MEIS2: variants seen among roughly 807,000 people sequenced by gnomAD.
MEIS2 encodes homeobox protein Meis2.
Under a neutral mutation model 58.6 loss-of-function variants are expected in MEIS2, and 9 were observed. The ratio of observed to expected loss-of-function variants is 0.15; its 90% confidence interval spans 0.09 to 0.27. The LOEUF (loss-of-function observed/expected upper bound fraction) is 0.27, where lower values mean the gene tolerates loss of function less well. MEIS2 is among the 10% of genes least tolerant of loss of function. The pLI, the probability that MEIS2 is intolerant of heterozygous loss-of-function variation, is 1.00. For missense variants in MEIS2, 427 were observed against 635.0 expected, an observed-to-expected ratio of 0.67 and a Z score of 3.52; for synonymous variants, 221 against 228.4, an observed-to-expected ratio of 0.97 and a Z score of 0.29.
chr15:37,077,975 G>A (rs1036963748), intron 7 of MEIS2, among the ~76,000 whole-genome samples: 3 of 152,156 alleles, frequency 2.0e-5, no homozygotes, highest in African/African-American at 7.2e-5. Context: ...AGCAGAAAGG[G>A]ATACATTTAA....
At chr15:36,989,440 G>C (rs555962777) in intron 8 of MEIS2, among the ~76,000 whole-genome samples, 1 of 151,908 alleles carries the variant, frequency 6.6e-6, no homozygotes, top group African/African-American at 2.4e-5. Flanking sequence ...TGGGAGGGTA[G>C]TAATATTTGC....
chr15:37,040,967 A>G (rs931682120), intron 7 of MEIS2, among the ~76,000 whole-genome samples: 19 of 152,204 alleles, frequency 1.2e-4, no homozygotes, highest in African/African-American at 4.3e-4. Flanking sequence ...TGACTAGATT[A>G]TCTAAATTGA....
rs11285545 is a variant in MEIS2 at position 36,991,783 on chromosome 15, C to CTTTTTTTTTTTTTT, written c.901-41397_901-41384dup. The stretch of plus-strand genomic sequence containing the variant: ...AAGTGTTAATTTTCTTTTTTTTTTT[C>CTTTTTTTTTTTTTT]TTTTTTTTTTTTTTTTTTTTTTGAG... On this transcript the variant is annotated intron_variant, in intron 8 of 11. Coordinates refer to ENST00000561208, the MANE Select transcript of MEIS2 (RefSeq NM_170675.5). 2.9e-3 allele frequency among the ~76,000 whole-genome samples: 147 copies of CTTTTTTTTTTTTTT among 51,042 alleles called. 2 individuals carry two copies. Among genetic ancestry groups the CTTTTTTTTTTTTTT allele is most frequent in the African/African-American group, 3.6e-3 (47 of 13,166 alleles). 33.5% of individuals were successfully genotyped at this position (51,042 alleles called of 152,430 possible).
chr15:37,056,680 A>T (rs1176074317), intron 7 of MEIS2, among the ~76,000 whole-genome samples: 1 of 151,998 alleles, frequency 6.6e-6, no homozygotes, highest in East Asian at 1.9e-4. Context: ...CTCACTAAAA[A>T]CCTAATTCAT....
chr15:37,075,235 T>C (rs1201310738), intron 7 of MEIS2, among the ~76,000 whole-genome samples: 1 of 152,014 alleles, frequency 6.6e-6, no homozygotes, highest in East Asian at 1.9e-4. Flanking sequence ...TGAAATTGCA[T>C]CTCCAAATTC....
At chr15:37,084,009 A>G in intron 6 of MEIS2, 124 bp from the exon 7 acceptor site, 2 of 702,880 alleles carry the variant, frequency 2.8e-6, no homozygotes, top group South Asian at 3.6e-5. Context: ...GGCAGTAGGC[A>G]TATACGCATG....
At chr15:36,922,619 CTTTT>C (rs59227539) in intron 9 of MEIS2, among the ~76,000 whole-genome samples, 5 of 126,888 alleles carry the variant, frequency 3.9e-5, no homozygotes, top group African/African-American at 8.7e-5. Flanking sequence ...TTCTTTCTTT[CTTTT>C]TTTTTTTTTT....
At chr15:37,049,907 C>G (rs929798066) in intron 7 of MEIS2, among the ~76,000 whole-genome samples, 4 of 151,594 alleles carry the variant, frequency 2.6e-5, no homozygotes, top group African/African-American at 9.7e-5. Context: ...TTGCTTCAAA[C>G]AATGTGATTT....
intron 7 of MEIS2, among the ~76,000 whole-genome samples, chr15:37,077,071 G>C (rs1891518587): frequency 6.6e-6 from 1 of 151,982 alleles, no homozygotes; most frequent in Admixed American, 6.6e-5. Context: ...AAATTACCTT[G>C]CTTATTAGCA....
At chr15:37,085,567 T>C (rs1022724663) in intron 6 of MEIS2, among the ~76,000 whole-genome samples, 4 of 152,232 alleles carry the variant, frequency 2.6e-5, no homozygotes, top group Admixed American at 1.3e-4. Flanking sequence ...CAGAGCTCTA[T>C]GGATTAATAA....
chr15:36,908,730 C>T lies in MEIS2; in HGVS notation c.978-12044G>A, dbSNP rs555150981. ...CAGCACTTTGGGAGACCGAGGCGGG[C>T]GGATCACCAGCCTGACCAACGTGGA... On this transcript the variant is annotated intron_variant, in intron 9 of 11. Coordinates refer to ENST00000561208, the MANE Select transcript of MEIS2 (RefSeq NM_170675.5). Among the ~76,000 whole-genome samples the T allele has an allele frequency of 4.6e-5, 7 of 152,098 alleles. No individual in the cohort carries two copies. In the East Asian group the frequency reaches 5.8e-4, roughly 13 times the overall value.
intron 8 of MEIS2, among the ~76,000 whole-genome samples, chr15:37,024,560 C>T (rs1026142221): frequency 1.3e-5 from 2 of 152,182 alleles, no homozygotes; most frequent in Admixed American, 1.3e-4. Flanking sequence ...CACTCTTCTC[C>T]CATTCATATT....
intron 7 of MEIS2, among the ~76,000 whole-genome samples, chr15:37,077,380 G>A (rs962307565): frequency 1.3e-5 from 2 of 151,984 alleles, no homozygotes; most frequent in African/African-American, 2.4e-5. Context: ...GTTATAAAAG[G>A]GTTGTGCATT....
At chr15:37,047,250 C>A (rs140574918) in intron 7 of MEIS2, among the ~76,000 whole-genome samples, 2 of 152,124 alleles carry the variant, frequency 1.3e-5, no homozygotes, top group Non-Finnish European at 2.9e-5. Context: ...CAAGTCCCAG[C>A]TCTCAAATTT....
rs773984929 is a variant in MEIS2 at position 37,036,797 on chromosome 15, C to G, written c.900+17G>C. On this transcript the variant is annotated intron_variant, in intron 8 of 11. Coordinates refer to ENST00000561208, the MANE Select transcript of MEIS2 (RefSeq NM_170675.5). The stretch of plus-strand genomic sequence containing the variant: ...ACAACAAAAACTATTTTTTTTTTCT[C>G]TTTCATCTTGACTTACTGTGAGATG... 5 of 1,586,300 alleles carry G rather than the reference C, an allele frequency of 3.2e-6. No homozygotes were observed. Among genetic ancestry groups the G allele is most frequent in the Non-Finnish European group, 4.3e-6 (5 of 1,170,482 alleles).
In MEIS2 at chr15:36,950,530, T is replaced by C. The variant is rs148337144; in HGVS notation, c.901-130A>G. On this transcript the variant is annotated intron_variant, in intron 8 of 11. Transcript: ENST00000561208. ...GATTTTCCTACTTGCATCTTTTTTATCATGTGTTGAGAAATGTGGGCAGGG... is the reference window on the plus strand; with the variant it reads ...GATTTTCCTACTTGCATCTTTTTTACCATGTGTTGAGAAATGTGGGCAGGG... The C allele has an allele frequency of 1.5e-3, 1,296 of 850,894 alleles. 13 individuals carry two copies. In the African/African-American group the frequency reaches 0.02, roughly 13 times the overall value. The allele number at this position is 850,894 out of a possible 1,614,324, so 52.7% of individuals were successfully genotyped here.
intron 7 of MEIS2, among the ~76,000 whole-genome samples, chr15:37,067,729 C>T (rs867100828): frequency 6.6e-6 from 1 of 152,098 alleles, no homozygotes; most frequent in Non-Finnish European, 1.5e-5. Context: ...CTGCTCCAAA[C>T]CCTGCCCATG....
chr15:36,950,259 A>G (rs2058710012), intron 9 of MEIS2, 65 bp downstream of exon 9: 2 of 1,366,956 alleles, frequency 1.5e-6, no homozygotes, highest in Admixed American at 2.1e-5. Flanking sequence ...AAAAAGAGAG[A>G]AAACCATTAT....
chr15:36,918,787 G>A (rs2057381471), intron 9 of MEIS2, among the ~76,000 whole-genome samples: 1 of 152,156 alleles, frequency 6.6e-6, no homozygotes, highest in Non-Finnish European at 1.5e-5. Flanking sequence ...AACTACTTAA[G>A]TAAATGCACA....
Sources: allele counts gnomAD v4.1 joint callset (sites outside exome capture counted in the v4.1 genomes callset), GRCh38; gene constraint gnomAD v4.1.1; transcripts MANE v1.5; gene names NCBI Gene and HGNC (gene_info 2026-07-23, HGNC 2026-07-21).